STK4: variants seen among roughly 807,000 people sequenced by gnomAD.
STK4 encodes serine/threonine-protein kinase 4.
Under a neutral mutation model 64.9 loss-of-function variants are expected in STK4, and 30 were observed. That is an observed-to-expected ratio of 0.46 (90% confidence interval 0.35 to 0.63). The LOEUF is 0.63. Among genes scored for constraint, STK4 ranks in the 20% least tolerant of loss-of-function variants. The probability of loss-of-function intolerance (pLI) is 0.01; values close to 1 mark genes in which losing one functional copy is unlikely to be tolerated. For missense variants in STK4, 466 were observed against 598.5 expected (o/e 0.78, Z 2.31); for synonymous variants, 177 against 199.0 (o/e 0.89, Z 0.93).
intron 10 of STK4, among the ~76,000 whole-genome samples, chr20:45,069,907 AAGAAAACAAGAGTCTG>A (rs1979907936): frequency 6.6e-6 from 1 of 152,202 alleles, no homozygotes; most frequent in Admixed American, 6.5e-5. Flanking sequence ...AATTGTTTTG[AAGAAAACAAGAGTCTG>A]AGATAGAGGA....
rs922185959 is a variant in STK4 at position 44,997,165 on chromosome 20, C to G, written c.694-4C>G. ...CTTTTTGTTTGTTTGTTTGTTCTAA[C>G]CAGGCAATCTTCATGATTCCTACAA... On this transcript the variant is annotated splice_polypyrimidine_tract_variant and splice_region_variant and intron_variant, in intron 6 of 10. Transcript: ENST00000372806. The G allele has an allele frequency of 5.7e-5, 92 of 1,613,396 alleles. No homozygotes were observed. Among genetic ancestry groups the G allele is most frequent in the Non-Finnish European group, 7.4e-5 (87 of 1,179,650 alleles).
intron 10 of STK4, among the ~76,000 whole-genome samples, chr20:45,058,311 A>T (rs1462409439): frequency 1.3e-5 from 2 of 152,134 alleles, no homozygotes; most frequent in Non-Finnish European, 2.9e-5. Context: ...AGTACCCAGC[A>T]GTAAGGCTTA....
At chr20:45,008,717 T>C (rs1423892614) in intron 9 of STK4, among the ~76,000 whole-genome samples, 1 of 152,248 alleles carries the variant, frequency 6.6e-6, no homozygotes, top group Non-Finnish European at 1.5e-5. Flanking sequence ...ACCTTTTTTT[T>C]AGTAATAGCC....
intron 10 of STK4, among the ~76,000 whole-genome samples, chr20:45,040,797 T>C (rs541650677): frequency 1.3e-5 from 2 of 152,150 alleles, no homozygotes; most frequent in African/African-American, 2.4e-5. Flanking sequence ...TGCGTTCTTA[T>C]GCTATTTCCA....
intron 10 of STK4, among the ~76,000 whole-genome samples, chr20:45,031,630 G>T (rs1028416838): frequency 6.6e-6 from 1 of 152,040 alleles, no homozygotes; most frequent in East Asian, 1.9e-4. Flanking sequence ...GGCCAAGCAT[G>T]GTGGCTCATG....
In STK4 at chr20:45,078,592, G is replaced by A. The variant is rs370907699; in HGVS notation, c.*3416G>A. 1 of 127,182 alleles carries A rather than the reference G, an allele frequency of 7.9e-6. No homozygotes were observed. Among genetic ancestry groups the A allele is most frequent in the African/African-American group, 3.0e-5 (1 of 33,502 alleles). 7.9% of individuals were successfully genotyped at this position (127,182 alleles called of 1,614,324 possible). ...CTTTTTTTTTTTTTTTCCCCTTTTT[G>A]TCCCTTTCCCCAAGCCACCAATTGG... is the stretch of plus-strand genomic sequence containing the variant. On this transcript the variant is annotated 3_prime_UTR_variant, in exon 11 of 11. Transcript: ENST00000372806.
intron 10 of STK4, among the ~76,000 whole-genome samples, chr20:45,055,405 T>C (rs1159485175): frequency 6.6e-6 from 1 of 152,210 alleles, no homozygotes; most frequent in Non-Finnish European, 1.5e-5. Flanking sequence ...ATTTAAAAAT[T>C]TATTGGCATC....
Position 44,966,593 on chromosome 20 carries a change from C to T in STK4, c.25C>T (p.Pro9Ser), listed in dbSNP as rs2067153816. 7.9e-7 allele frequency: 1 copy of T among 1,273,886 alleles called. No homozygotes were observed. The highest frequency in any genetic ancestry group is 2.1e-4 in the Middle Eastern group (1 of 4,798). 78.9% of individuals were successfully genotyped at this position (1,273,886 alleles called of 1,614,324 possible). Residue 9 changes from proline to serine, a missense_variant, in exon 1 of 11, where the codon CCG becomes TCG. Coordinates refer to ENST00000372806, the MANE Select transcript of STK4 (RefSeq NM_006282.5). Reference protein sequence around the residue: METVQLRNPPRRQLKKLDE... With the variant: METVQLRNSPRRQLKKLDE... Reference sequence around the variant, plus strand: ...CATGGAGACGGTACAGCTGAGGAACCCGCCGCGCCGGTGAGGGGCCACTGG... The same window carrying T: ...CATGGAGACGGTACAGCTGAGGAACTCGCCGCGCCGGTGAGGGGCCACTGG...
At chr20:44,977,625 T>C (rs756922159) in intron 2 of STK4, among the ~76,000 whole-genome samples, 40 of 152,184 alleles carry the variant, frequency 2.6e-4, no homozygotes, top group Non-Finnish European at 1.2e-4. Context: ...TAATAAGGTG[T>C]AAATGATAGC....
chr20:45,010,381 T>C (rs1384289646), intron 9 of STK4, among the ~76,000 whole-genome samples: 1 of 152,188 alleles, frequency 6.6e-6, no homozygotes, highest in Non-Finnish European at 1.5e-5. Flanking sequence ...TTATTTATTA[T>C]ATGTAACTTA....
intron 10 of STK4, among the ~76,000 whole-genome samples, chr20:45,052,427 TA>T (rs1978291914): frequency 6.6e-6 from 1 of 152,236 alleles, no homozygotes; most frequent in African/African-American, 2.4e-5. Context: ...CTCATATCAT[TA>T]AAAACACTTG....
At chr20:45,005,628 A>G (rs6031928) in intron 9 of STK4, among the ~76,000 whole-genome samples, 1 of 149,210 alleles carries the variant, frequency 6.7e-6, no homozygotes, top group East Asian at 2.0e-4. Flanking sequence ...AGCCTGGGCA[A>G]CAGAGCGAGA....
At chr20:45,040,200 A>G (rs2068591099) in intron 10 of STK4, among the ~76,000 whole-genome samples, 1 of 152,014 alleles carries the variant, frequency 6.6e-6, no homozygotes, top group African/African-American at 2.4e-5. Context: ...AGAGGTTACA[A>G]AGTGGTGACA....
chr20:44,986,032 G>C (rs998343390), intron 4 of STK4, among the ~76,000 whole-genome samples: 1 of 152,188 alleles, frequency 6.6e-6, no homozygotes, highest in Non-Finnish European at 1.5e-5. Context: ...CTAGTTTCTA[G>C]CATTCTCACT....
intron 9 of STK4, among the ~76,000 whole-genome samples, chr20:45,012,261 C>T (rs1177943430): frequency 1.3e-5 from 2 of 152,108 alleles, no homozygotes. Flanking sequence ...GTCTCGATCT[C>T]CTGACCTCGT....
chr20:45,038,109 A>G (rs1399068877), intron 10 of STK4, among the ~76,000 whole-genome samples: 1 of 152,168 alleles, frequency 6.6e-6, no homozygotes, highest in Non-Finnish European at 1.5e-5. Context: ...AAGTTAGTGC[A>G]TATTCTTAAA....
chr20:45,054,577 T>TTTTA (rs1568758959), intron 10 of STK4, among the ~76,000 whole-genome samples: 3 of 125,528 alleles, frequency 2.4e-5, no homozygotes, highest in Non-Finnish European at 3.4e-5. Context: ...TTTTTTTTTT[T>TTTTA]CAAAAAAAAA....
intron 9 of STK4, among the ~76,000 whole-genome samples, chr20:45,021,050 G>T (rs2068239008): frequency 6.6e-6 from 1 of 151,920 alleles, no homozygotes; most frequent in Non-Finnish European, 1.5e-5. Flanking sequence ...GAACTCCTGG[G>T]CTCAAGCAGT....
chr20:44,988,449 T>A lies in STK4; in HGVS notation c.525+1153T>A, dbSNP rs1055559664. Among the ~76,000 whole-genome samples the A allele has an allele frequency of 4.0e-5, 6 of 149,452 alleles. No homozygotes were observed. The Admixed American group carries it at 4.0e-4, about 10-fold the overall frequency. ...GAGATTGCGCCATTGCACTCTGCAC[T>A]CCAGCCTGGGCAACAGAGTGAGACC... On this transcript the variant is annotated intron_variant, in intron 5 of 10. Coordinates refer to ENST00000372806, the MANE Select transcript of STK4 (RefSeq NM_006282.5).
Sources: gnomAD v4.1 joint callset for allele counts (sites outside exome capture counted in the v4.1 genomes callset) on GRCh38, gnomAD v4.1.1 for gene constraint, MANE v1.5 for transcripts, NCBI Gene and HGNC (gene_info 2026-07-23, HGNC 2026-07-21) for gene names.